Variants in CSMD2 observed in about 807,000 individuals in gnomAD.
The protein encoded by CSMD2 is CUB and sushi domain-containing protein 2.
Under a neutral mutation model 398.5 loss-of-function variants are expected in CSMD2, and 130 were observed. The ratio of observed to expected loss-of-function variants is 0.33; its 90% CI spans 0.28 to 0.38. The LOEUF (loss-of-function observed/expected upper bound fraction) is 0.38, where lower values mean the gene tolerates loss of function less well. Ranked by LOEUF, CSMD2 falls within the 10% of genes least tolerant of loss-of-function variation. CSMD2 has a pLI of 1.00. For synonymous variants in CSMD2, 1,828 were observed against 1,908.5 expected (o/e 0.96, Z 1.10); for missense variants, 3,829 against 4,764.9 (o/e 0.80, Z 5.78).
chr1:33,782,642 G>A (rs1652930154), intron 12 of CSMD2, among the ~76,000 whole-genome samples: 1 of 152,158 alleles, frequency 6.6e-6, no homozygotes, highest in Non-Finnish European at 1.5e-5. Context: ...AATTGAGAGG[G>A]TGCTGAGGAG....
intron 3 of CSMD2, among the ~76,000 whole-genome samples, chr1:34,022,951 C>T (rs1043985432): frequency 2.0e-5 from 3 of 152,148 alleles, no homozygotes; most frequent in Non-Finnish European, 4.4e-5. Flanking sequence ...CCTGCCTGAG[C>T]CTCCTGAACA....
intron 3 of CSMD2, among the ~76,000 whole-genome samples, chr1:33,981,718 T>C (rs1646174197): frequency 6.6e-6 from 1 of 152,194 alleles, no homozygotes; most frequent in Non-Finnish European, 1.5e-5. Flanking sequence ...TATGTAATCA[T>C]AGAGCCAGAC....
At chr1:33,727,225 A>C (rs1387573407) in intron 15 of CSMD2, among the ~76,000 whole-genome samples, 4 of 152,202 alleles carry the variant, frequency 2.6e-5, no homozygotes, top group Admixed American at 2.0e-4. Context: ...TTTCTCAATG[A>C]TTGCTGGTTG....
chr1:33,831,294 C>CAGA (rs1397815851), intron 6 of CSMD2, among the ~76,000 whole-genome samples: 1 of 152,188 alleles, frequency 6.6e-6, no homozygotes, highest in African/African-American at 2.4e-5. Flanking sequence ...GGAAGCCCAT[C>CAGA]AGACTAACAG....
At chr1:33,616,323 C>T (rs368230005) in intron 39 of CSMD2, among the ~76,000 whole-genome samples, 21 of 152,096 alleles carry the variant, frequency 1.4e-4, no homozygotes, top group African/African-American at 4.1e-4. Flanking sequence ...CTGCAACCTC[C>T]GCCTCCTGGG....
chr1:33,982,202 G>A (rs1646196300), intron 3 of CSMD2, among the ~76,000 whole-genome samples: 1 of 152,112 alleles, frequency 6.6e-6, no homozygotes, highest in Non-Finnish European at 1.5e-5. Context: ...GTTTTCTTGG[G>A]GGGCTACTGG....
At chr1:33,523,948 T>C (rs961368456) in intron 66 of CSMD2, among the ~76,000 whole-genome samples, 2 of 152,242 alleles carry the variant, frequency 1.3e-5, no homozygotes, top group African/African-American at 2.4e-5. Flanking sequence ...AACAAACACT[T>C]ATTTTCTAAG....
chr1:33,698,006 G>A (rs948016091), intron 24 of CSMD2, among the ~76,000 whole-genome samples: 5 of 152,212 alleles, frequency 3.3e-5, no homozygotes, highest in Middle Eastern at 3.2e-3. Flanking sequence ...TGGAGAGAGA[G>A]ACAGATCTGG....
chr1:34,162,674 C>T (rs1159126001), intron 1 of CSMD2, among the ~76,000 whole-genome samples: 1 of 152,220 alleles, frequency 6.6e-6, no homozygotes, highest in South Asian at 2.1e-4. Flanking sequence ...GCCTGGCCAA[C>T]ATGGTGAAAC....
intron 22 of CSMD2, among the ~76,000 whole-genome samples, 185 bp from the exon 23 acceptor site, chr1:33,700,858 T>C (rs1490759268): frequency 6.6e-6 from 1 of 152,230 alleles, no homozygotes; most frequent in Non-Finnish European, 1.5e-5. Context: ...TTATCTCGTT[T>C]TCCCTTGATG....
chr1:34,104,483 T>A (rs181657969), intron 1 of CSMD2, among the ~76,000 whole-genome samples: 9 of 152,206 alleles, frequency 5.9e-5, no homozygotes, highest in Non-Finnish European at 8.8e-5. Context: ...CAGTGGGACA[T>A]CCAGACGGAG....
chr1:34,117,434 T>C (rs991493727), intron 1 of CSMD2, among the ~76,000 whole-genome samples: 2 of 152,002 alleles, frequency 1.3e-5, no homozygotes, highest in East Asian at 3.9e-4. Context: ...TAAACAGAAT[T>C]AGAGCTAGTG....
chr1:33,576,121 C>A (rs1366504914), intron 49 of CSMD2, among the ~76,000 whole-genome samples: 2 of 152,140 alleles, frequency 1.3e-5, no homozygotes, highest in Non-Finnish European at 2.9e-5. Context: ...GCGAGAATCT[C>A]ATTTCTGAGA....
At chr1:33,741,804 T>A (rs1040703168) in intron 14 of CSMD2, among the ~76,000 whole-genome samples, 2 of 152,140 alleles carry the variant, frequency 1.3e-5, no homozygotes, top group Non-Finnish European at 2.9e-5. Flanking sequence ...CCTCCCAAGT[T>A]CCCACTCAGT....
intron 55 of CSMD2, among the ~76,000 whole-genome samples, chr1:33,557,416 C>T (rs992813574): frequency 2.6e-5 from 4 of 151,974 alleles, no homozygotes; most frequent in African/African-American, 7.3e-5. Flanking sequence ...TGATGTCCCG[C>T]GAGGCAGCCA....
intron 65 of CSMD2, among the ~76,000 whole-genome samples, chr1:33,525,267 C>A (rs1195056223): frequency 3.3e-5 from 5 of 152,174 alleles, no homozygotes; most frequent in Non-Finnish European, 5.9e-5. Context: ...ATCGCAGCAT[C>A]ATTCACAATG....
In CSMD2 at chr1:33,700,691, C is replaced by A. The variant is rs760076906; in HGVS notation, c.3577-18G>T. 6.2e-7 allele frequency: 1 copy of A among 1,613,764 alleles called. No homozygotes were observed. On this transcript the variant is annotated intron_variant, in intron 22 of 70. Transcript: ENST00000373381. ...TCATAAACCTGGACACAGGAGAGAC[C>A]CCCAACCCAATGTCGTCAGCATGGC... is the stretch of plus-strand genomic sequence containing the variant.
intron 14 of CSMD2, 139 bp downstream of exon 14, chr1:33,743,141 T>A: frequency 1.5e-6 from 1 of 675,186 alleles, no homozygotes; most frequent in Non-Finnish European, 2.5e-6. Context: ...GGGAGCTCCA[T>A]GACTGGGCAC....
intron 3 of CSMD2, among the ~76,000 whole-genome samples, chr1:34,020,417 G>T (rs1648711229): frequency 6.6e-6 from 1 of 152,186 alleles, no homozygotes; most frequent in South Asian, 2.1e-4. Flanking sequence ...ACAGAGCTGG[G>T]AAGCAAAGCC....
Sources: allele counts gnomAD v4.1 joint callset (sites outside exome capture counted in the v4.1 genomes callset), GRCh38; gene constraint gnomAD v4.1.1; transcripts MANE v1.5; gene names NCBI Gene and HGNC (gene_info 2026-07-23, HGNC 2026-07-21).